The following PLCH1 variants were observed in gnomAD, a reference collection of about 807,000 sequenced individuals.
PLCH1 encodes the protein phospholipase C eta 1.
Under a neutral mutation model 126.7 loss-of-function variants are expected in PLCH1, and 60 were observed. That is an observed-to-expected ratio of 0.47 (90% CI 0.38 to 0.59). PLCH1 has a LOEUF of 0.59. Ranked by LOEUF, PLCH1 falls within the 20% of genes least tolerant of loss-of-function variation. The pLI is 0.00. For missense variants in PLCH1, 1,723 were observed against 2,040.0 expected, an observed-to-expected ratio of 0.84 and a Z score of 2.99; for synonymous variants, 719 against 734.9, an observed-to-expected ratio of 0.98 and a Z score of 0.35.
chr3:155,453,041 G>A (rs1712347886), intron 21 of PLCH1, among the ~76,000 whole-genome samples: 1 of 152,164 alleles, frequency 6.6e-6, no homozygotes, highest in African/African-American at 2.4e-5. Flanking sequence ...GCTGGTGATA[G>A]TGAGCCCCTA....
intron 21 of PLCH1, among the ~76,000 whole-genome samples, chr3:155,466,083 C>T (rs1712919708): frequency 2.0e-5 from 3 of 152,184 alleles, no homozygotes; most frequent in African/African-American, 7.2e-5. Flanking sequence ...AGGTGGGACC[C>T]AGGCATGGTT....
chr3:155,452,579 G>A (rs908426217), intron 21 of PLCH1, among the ~76,000 whole-genome samples: 5 of 152,080 alleles, frequency 3.3e-5, no homozygotes, highest in South Asian at 2.1e-4. Flanking sequence ...TTATCAAGTG[G>A]AGATATTTAG....
chr3:155,498,877 T>C, intron 14 of PLCH1, among the ~76,000 whole-genome samples: 1 of 152,132 alleles, frequency 6.6e-6, no homozygotes, highest in Non-Finnish European at 1.5e-5. Flanking sequence ...AGTCAAGTCC[T>C]CCACAGACCA....
At chr3:155,473,418 A>T (rs1230025374) in intron 21 of PLCH1, among the ~76,000 whole-genome samples, 3 of 152,124 alleles carry the variant, frequency 2.0e-5, no homozygotes, top group African/African-American at 7.3e-5. Flanking sequence ...GCTCAAGGAA[A>T]TAAAAGAGGA....
intron 2 of PLCH1, among the ~76,000 whole-genome samples, chr3:155,611,709 T>C (rs1735118876): frequency 1.3e-5 from 2 of 152,082 alleles, no homozygotes; most frequent in South Asian, 2.1e-4. Flanking sequence ...AACTGCAAAA[T>C]ATGCATTTTT....
chr3:155,583,232 C>T (rs1448747125), intron 6 of PLCH1, among the ~76,000 whole-genome samples: 3 of 151,612 alleles, frequency 2.0e-5, no homozygotes, highest in African/African-American at 7.3e-5. Context: ...GGAAAATAGG[C>T]ATATCTGTAC....
chr3:155,488,920 C>A, intron 19 of PLCH1, 114 bp from the exon 20 acceptor site: 1 of 873,304 alleles, frequency 1.1e-6, no homozygotes. Context: ...TTATTAAACT[C>A]ATGAAGACAA....
At chr3:155,485,748 T>A (rs752812581) in intron 21 of PLCH1, 38 bp from the exon 22 acceptor site, 28 of 1,281,782 alleles carry the variant, frequency 2.2e-5, no homozygotes, top group Non-Finnish European at 2.8e-5. Context: ...GTTAAGCAAA[T>A]GCCATCACAT....
intron 21 of PLCH1, among the ~76,000 whole-genome samples, chr3:155,469,332 C>A (rs1159408564): frequency 6.6e-6 from 1 of 152,210 alleles, no homozygotes; most frequent in African/African-American, 2.4e-5. Flanking sequence ...CCTGGAAAAT[C>A]AGGTCACTCC....
chr3:155,547,620 G>A (rs1252434968), intron 10 of PLCH1, among the ~76,000 whole-genome samples: 2 of 152,102 alleles, frequency 1.3e-5, no homozygotes, highest in Non-Finnish European at 2.9e-5. Context: ...ATTCACAATA[G>A]CAAAGGCTTG....
intron 2 of PLCH1, among the ~76,000 whole-genome samples, chr3:155,640,022 G>A (rs1739221110): frequency 6.6e-6 from 1 of 152,210 alleles, no homozygotes; most frequent in African/African-American, 2.4e-5. Flanking sequence ...CATGCTTTCT[G>A]TACAGCCTGC....
chr3:155,485,586 C>T lies in PLCH1; in HGVS notation c.2744G>A (p.Ser915Asn). The part of the protein sequence containing the change: ...IGDRILRRTA[S>N]APAKGRKKSK... Reference sequence around the variant, plus strand: ...CTTTTTCCTGCCTTTGGCTGGGGCGCTAGCTGTGCGTCGCAGAATTCTATC... The same window carrying T: ...CTTTTTCCTGCCTTTGGCTGGGGCGTTAGCTGTGCGTCGCAGAATTCTATC... Residue 915 changes from serine (S) to asparagine (N), a missense_variant, in exon 22 of 23, where the codon AGC becomes AAC. Ser to Asn is a conservative substitution (Grantham distance 46). Coordinates refer to ENST00000460012, the MANE Select transcript of PLCH1 (RefSeq NM_014996.4). 1 of 1,614,022 alleles carries T rather than the reference C, an allele frequency of 6.2e-7. No individual in the cohort carries two copies. The highest frequency in any genetic ancestry group is 1.1e-5 in the South Asian group (1 of 91,074).
intron 2 of PLCH1, among the ~76,000 whole-genome samples, chr3:155,701,966 C>A (rs962477325): frequency 6.6e-6 from 1 of 152,102 alleles, no homozygotes; most frequent in Admixed American, 6.5e-5. Flanking sequence ...TGAATAGAAT[C>A]ATTGTTCTAA....
chr3:155,480,932 T>G lies in PLCH1; in HGVS notation c.*36A>C. On this transcript the variant is annotated 3_prime_UTR_variant, in exon 23 of 23. Coordinates refer to ENST00000460012, the MANE Select transcript of PLCH1 (RefSeq NM_014996.4). ...CTGAAAACTCTGACATTCTACAGAA[T>G]ACCTTGAAAACCTTAAGAATGCAGT... 6.8e-7 allele frequency: 1 copy of G among 1,474,884 alleles called. No homozygotes were observed. The allele number at this position is 1,474,884 out of a possible 1,614,324, so 91.4% of individuals were successfully genotyped here. A position where few individuals can be genotyped will look rare whatever the true frequency, so the allele number is the denominator to read the frequency against.
intron 1 of PLCH1, among the ~76,000 whole-genome samples, chr3:155,707,482 A>G (rs1355857592): frequency 6.6e-6 from 1 of 152,110 alleles, no homozygotes; most frequent in African/African-American, 2.4e-5. Context: ...TGAGGTCAAG[A>G]GTTCAAAACC....
chr3:155,517,985 A>G (rs1720583950), intron 11 of PLCH1, among the ~76,000 whole-genome samples: 1 of 152,204 alleles, frequency 6.6e-6, no homozygotes, highest in African/African-American at 2.4e-5. Context: ...TACATCAAAA[A>G]ATCCTCATTG....
At chr3:155,689,771 CT>C (rs1330318684) in intron 2 of PLCH1, among the ~76,000 whole-genome samples, 1 of 151,812 alleles carries the variant, frequency 6.6e-6, no homozygotes, top group Non-Finnish European at 1.5e-5. Context: ...TGAAGCACAC[CT>C]ATAGGATCTA....
chr3:155,457,943 C>A, intron 21 of PLCH1, among the ~76,000 whole-genome samples: 1 of 152,152 alleles, frequency 6.6e-6, no homozygotes, highest in Non-Finnish European at 1.5e-5. Flanking sequence ...ACTGCCACCA[C>A]CAACTGAGGA....
intron 17 of PLCH1, among the ~76,000 whole-genome samples, chr3:155,493,858 G>A (rs1386995277): frequency 6.6e-6 from 1 of 152,106 alleles, no homozygotes; most frequent in Non-Finnish European, 1.5e-5. Context: ...CAGCTTATAT[G>A]GGGCACTGGA....
Sources: gnomAD v4.1 joint callset for allele counts (sites outside exome capture counted in the v4.1 genomes callset) on GRCh38, gnomAD v4.1.1 for gene constraint, MANE v1.5 for transcripts, NCBI Gene and HGNC (gene_info 2026-07-23, HGNC 2026-07-21) for gene names.